The following ITPR1 variants were observed in gnomAD, a reference collection of about 807,000 sequenced individuals.
ITPR1 encodes inositol 1,4,5-trisphosphate receptor type 1, also known as inositol 1,4,5-trisphosphate-gated calcium channel ITPR1.
ITPR1 carries 96 observed loss-of-function variants against 318.4 expected under a neutral mutation model. The ratio of observed to expected loss-of-function variants is 0.30; its 90% CI spans 0.26 to 0.36. The LOEUF is 0.36. ITPR1 is among the 10% of genes least tolerant of loss of function. The probability of loss-of-function intolerance (pLI) is 1.00; values close to 1 mark genes in which losing one functional copy is unlikely to be tolerated. For synonymous variants in ITPR1, 1,312 were observed against 1,289.9 expected, an observed-to-expected ratio of 1.02 and a Z score of -0.37; for missense variants, 2,440 against 3,460.2, an observed-to-expected ratio of 0.71 and a Z score of 7.40.
chr3:4,689,785 AT>A, intron 31 of ITPR1, among the ~76,000 whole-genome samples: 1 of 152,356 alleles, frequency 6.6e-6, no homozygotes, highest in Non-Finnish European at 1.5e-5. Flanking sequence ...CTTACAAGGC[AT>A]GCAAAGAACA....
At chr3:4,634,783 G>T (rs1479382783) in intron 5 of ITPR1, among the ~76,000 whole-genome samples, 1 of 152,128 alleles carries the variant, frequency 6.6e-6, no homozygotes, top group African/African-American at 2.4e-5. Flanking sequence ...TTGTTGCCCA[G>T]GCTGGAGTAC....
intron 61 of ITPR1, 151 bp downstream of exon 61, chr3:4,837,086 C>T: frequency 3.6e-6 from 2 of 559,980 alleles, no homozygotes; most frequent in Non-Finnish European, 5.8e-6. Flanking sequence ...ACTCACTCCT[C>T]CAGTCTCCTC....
intron 40 of ITPR1, among the ~76,000 whole-genome samples, chr3:4,719,520 G>T (rs1173770447): frequency 4.6e-5 from 7 of 152,250 alleles, no homozygotes; most frequent in African/African-American, 1.4e-4. Context: ...CGGGATTAAG[G>T]CAGGGCCTCA....
chr3:4,568,423 G>A (rs2087611276), intron 4 of ITPR1, among the ~76,000 whole-genome samples: 1 of 152,158 alleles, frequency 6.6e-6, no homozygotes, highest in South Asian at 2.1e-4. Context: ...GTTGGGTTAA[G>A]GCATTATTTC....
At chr3:4,568,533 G>A (rs1389658002) in intron 4 of ITPR1, among the ~76,000 whole-genome samples, 2 of 152,174 alleles carry the variant, frequency 1.3e-5, no homozygotes, top group Non-Finnish European at 2.9e-5. Context: ...TGTGTGGGAG[G>A]AGGAGGTGTG....
chr3:4,697,196 A>C lies in ITPR1; in HGVS notation c.4331A>C (p.Glu1444Ala). 6.2e-7 allele frequency: 1 copy of C among 1,605,484 alleles called. No individual in the cohort carries two copies. The highest frequency in any genetic ancestry group is 8.5e-7 in the Non-Finnish European group (1 of 1,175,182). Reference sequence around the variant, plus strand: ...CTGAATCACTGCTATGTGGATACAGAGGTGGAAATGAAGGAGATTTATACC... The same window carrying C: ...CTGAATCACTGCTATGTGGATACAGCGGTGGAAATGAAGGAGATTTATACC... ...NFLNHCYVDT[E>A]VEMKEIYTSN... The change falls in exon 34 of 62, where the codon GAG (glutamate) becomes GCG (alanine). Residue 1444 changes from glutamate to alanine, a missense_variant. By Grantham distance (107) the Glu-to-Ala change is moderately radical. Transcript: ENST00000649015.
At chr3:4,547,975 C>A (rs2085191213) in intron 4 of ITPR1, among the ~76,000 whole-genome samples, 1 of 152,280 alleles carries the variant, frequency 6.6e-6, no homozygotes. Context: ...AGTCTAAGTA[C>A]CGGCCTGTGA....
intron 59 of ITPR1, among the ~76,000 whole-genome samples, chr3:4,815,713 T>G (rs1355606525): frequency 1.3e-5 from 2 of 152,080 alleles, no homozygotes; most frequent in Non-Finnish European, 2.9e-5. Flanking sequence ...AAACTAATCA[T>G]GGAGGAATCT....
At chr3:4,772,076 G>A (rs1347415054) in intron 46 of ITPR1, among the ~76,000 whole-genome samples, 2 of 152,360 alleles carry the variant, frequency 1.3e-5, no homozygotes, top group East Asian at 3.9e-4. Context: ...CTCTCAGGTG[G>A]TGACTTGCCT....
At chr3:4,800,145 G>A (rs1356052991) in intron 53 of ITPR1, 3 of 437,626 alleles carry the variant, frequency 6.9e-6, no homozygotes, top group Middle Eastern at 5.8e-4. Context: ...GGGGAGGAAG[G>A]GGATTGGGGG....
intron 2 of ITPR1, among the ~76,000 whole-genome samples, chr3:4,513,754 C>G (rs1229718016): frequency 6.6e-6 from 1 of 152,090 alleles, no homozygotes; most frequent in Admixed American, 6.6e-5. Context: ...AACCTGTGTT[C>G]CCAGGATCAC....
Position 4,683,261 on chromosome 3 carries a change from T to G in ITPR1, c.3162-125T>G, listed in dbSNP as rs141995080. On this transcript the variant is annotated intron_variant, in intron 26 of 61. Transcript: ENST00000649015. The stretch of plus-strand genomic sequence containing the variant: ...TATTGTTAAAGGAGCTAATGAAAAG[T>G]GAAATTGCATGTCTGGAGATCACAG... 4.6e-5 allele frequency: 41 copies of G among 884,858 alleles called. No individual in the cohort carries two copies. The East Asian group carries it at 9.9e-4, about 21-fold the overall frequency. 54.8% of individuals were successfully genotyped at this position (884,858 alleles called of 1,614,324 possible).
chr3:4,682,001 A>C (rs2094312470), intron 26 of ITPR1, among the ~76,000 whole-genome samples: 1 of 152,216 alleles, frequency 6.6e-6, no homozygotes, highest in Non-Finnish European at 1.5e-5. Context: ...ATTTGGTATA[A>C]ACACCATATG....
intron 59 of ITPR1, among the ~76,000 whole-genome samples, chr3:4,817,217 C>T (rs934510343): frequency 6.6e-6 from 1 of 152,140 alleles, no homozygotes; most frequent in African/African-American, 2.4e-5. Flanking sequence ...TCCAAAGAGC[C>T]CCGGTTCTTT....
At chr3:4,674,367 T>G in intron 22 of ITPR1, 24 bp downstream of exon 22, 1 of 1,591,396 alleles carries the variant, frequency 6.3e-7, no homozygotes, top group Non-Finnish European at 8.6e-7. Flanking sequence ...AAATCTTCTA[T>G]GTGTATTATC....
intron 44 of ITPR1, among the ~76,000 whole-genome samples, chr3:4,763,597 A>G (rs1009053656): frequency 1.3e-5 from 2 of 152,150 alleles, no homozygotes; most frequent in African/African-American, 4.8e-5. Context: ...TGTCTTCTAG[A>G]CCTTATTATC....
At chr3:4,792,716 G>A (rs6763424) in intron 52 of ITPR1, among the ~76,000 whole-genome samples, 152,248 of 152,264 alleles carry the variant, frequency 1, 76,116 homozygotes, top group Middle Eastern at 1. Context: ...GGAGAGAGAG[G>A]GGAGGAGAAG....
intron 5 of ITPR1, among the ~76,000 whole-genome samples, chr3:4,634,927 G>A (rs1335202647): frequency 6.6e-6 from 1 of 152,178 alleles, no homozygotes; most frequent in Admixed American, 6.5e-5. Context: ...ATTTTTAGTA[G>A]AAACGGGGTT....
chr3:4,559,277 C>G (rs2086446228), intron 4 of ITPR1, among the ~76,000 whole-genome samples: 1 of 151,744 alleles, frequency 6.6e-6, no homozygotes, highest in Non-Finnish European at 1.5e-5. Flanking sequence ...CTTGAATAGT[C>G]CTCTTTTCCT....
Sources: allele counts gnomAD v4.1 joint callset (sites outside exome capture counted in the v4.1 genomes callset), GRCh38; gene constraint gnomAD v4.1.1; transcripts MANE v1.5; gene names NCBI Gene and HGNC (gene_info 2026-07-23, HGNC 2026-07-21).